Variants in PRUNE2 observed in about 807,000 individuals in gnomAD.
PRUNE2 encodes the protein prune homolog 2 with BCH domain.
PRUNE2 carries 164 observed loss-of-function variants against 252.0 expected under a neutral mutation model. The ratio of observed to expected loss-of-function variants is 0.65; its 90% confidence interval spans 0.57 to 0.74. The LOEUF is 0.74. PRUNE2 is among the 30% of genes least tolerant of loss of function. PRUNE2 has a pLI of 0.00. For missense variants in PRUNE2, 3,495 were observed against 3,711.0 expected (o/e 0.94, Z 1.51); for synonymous variants, 1,292 against 1,350.2 (o/e 0.96, Z 0.94).
intron 6 of PRUNE2, chr9:76,784,322 G>A (rs2131278882): frequency 6.6e-6 from 1 of 152,268 alleles, no homozygotes; most frequent in Non-Finnish European, 1.5e-5. Flanking sequence ...ACCAATGAGA[G>A]GAAAACAGAC....
chr9:76,710,863 G>A lies in PRUNE2; in HGVS notation c.1411C>T (p.Pro471Ser), dbSNP rs778635456. 1 of 1,544,682 alleles carries A rather than the reference G, an allele frequency of 6.5e-7. No homozygotes were observed. Among genetic ancestry groups the A allele is most frequent in the South Asian group, 1.3e-5 (1 of 77,948 alleles). ...TCCGCCACCGCCCCTTCAGGGATGG[G>A]GCTGTAGGAGTCAAGCCCTGGGAGA... Reference protein sequence around the residue: ...TLLPGLDSYSPIPEGAVAEEH... With the variant: ...TLLPGLDSYSSIPEGAVAEEH... The change falls in exon 8 of 19, where the codon CCC becomes TCC. Residue 471 changes from proline (P) to serine (S), a missense_variant. Coordinates refer to ENST00000376718, the MANE Select transcript of PRUNE2 (RefSeq NM_015225.3).
chr9:76,800,215 G>A (rs1195328164), intron 6 of PRUNE2, among the ~76,000 whole-genome samples: 2 of 146,842 alleles, frequency 1.4e-5, no homozygotes, highest in African/African-American at 5.0e-5. Flanking sequence ...CCCACCCCGC[G>A]ACAGGCCCCC....
chr9:76,806,586 C>A (rs376927620), intron 6 of PRUNE2, among the ~76,000 whole-genome samples: 7 of 150,436 alleles, frequency 4.7e-5, no homozygotes, highest in African/African-American at 1.7e-4. Flanking sequence ...CTGCTCACTG[C>A]AAGCTCCGCC....
chr9:76,774,983 G>C (rs2053580909), intron 6 of PRUNE2, among the ~76,000 whole-genome samples: 1 of 152,078 alleles, frequency 6.6e-6, no homozygotes, highest in Non-Finnish European at 1.5e-5. Context: ...TGAGTTATGA[G>C]AAACAAAAAT....
chr9:76,645,643 TA>T (rs1021700156), intron 11 of PRUNE2, among the ~76,000 whole-genome samples: 120 of 145,670 alleles, frequency 8.2e-4, no homozygotes, highest in Admixed American at 1.0e-3. Context: ...CTTGTGCATT[TA>T]AAAAAAAAAA....
chr9:76,904,517 T>C (rs1481326929), intron 1 of PRUNE2, among the ~76,000 whole-genome samples: 1 of 152,258 alleles, frequency 6.6e-6, no homozygotes, highest in African/African-American at 2.4e-5. Context: ...TTGCCAAAAT[T>C]GTCTTTCATT....
At chr9:76,652,448 C>G in intron 11 of PRUNE2, 35 bp downstream of exon 11, 1 of 1,413,396 alleles carries the variant, frequency 7.1e-7, no homozygotes, top group South Asian at 1.2e-5. Flanking sequence ...ACTTATTTAG[C>G]ATTTAACTTT....
chr9:76,735,201 C>T (rs1211260740), intron 6 of PRUNE2, among the ~76,000 whole-genome samples: 1 of 152,102 alleles, frequency 6.6e-6, no homozygotes, highest in African/African-American at 2.4e-5. Context: ...TTGTTGTTTT[C>T]CTTAAGCAAA....
intron 6 of PRUNE2, among the ~76,000 whole-genome samples, chr9:76,761,832 A>C (rs2051760577): frequency 6.6e-6 from 1 of 152,344 alleles, no homozygotes. Flanking sequence ...GTAGATTTTG[A>C]GATAGATTAT....
chr9:76,707,748 A>G lies in PRUNE2; in HGVS notation c.4526T>C (p.Ile1509Thr), dbSNP rs768327673. The G allele has an allele frequency of 6.2e-6, 10 of 1,613,676 alleles. No homozygotes were observed. Among genetic ancestry groups the G allele is most frequent in the African/African-American group, 2.7e-5 (2 of 74,920 alleles). The stretch of plus-strand genomic sequence containing the variant: ...CCCCTTAACGTCAAGATTTTTGGTT[A>G]TCTCAGAACATGTGCTGCTGACATG... ...DVHVSSTCSE[I>T]TKNLDVKGSE... Residue 1509 changes from isoleucine (I) to threonine (T), a missense_variant, in exon 8 of 19, where the codon ATA becomes ACA. Coordinates refer to ENST00000376718, the MANE Select transcript of PRUNE2 (RefSeq NM_015225.3).
chr9:76,702,010 G>GTA, intron 9 of PRUNE2, among the ~76,000 whole-genome samples: 1 of 151,770 alleles, frequency 6.6e-6, no homozygotes, highest in South Asian at 2.1e-4. Context: ...GGTATGTGAT[G>GTA]TGTATAGTCC....
chr9:76,837,632 A>G (rs2059102278), intron 4 of PRUNE2, among the ~76,000 whole-genome samples: 1 of 151,774 alleles, frequency 6.6e-6, no homozygotes, highest in Non-Finnish European at 1.5e-5. Flanking sequence ...GATACAAAAA[A>G]AAATTTAGAC....
chr9:76,852,681 A>G (rs1451690306), intron 2 of PRUNE2, among the ~76,000 whole-genome samples: 1 of 152,246 alleles, frequency 6.6e-6, no homozygotes, highest in Non-Finnish European at 1.5e-5. Context: ...GCAGAGAAAT[A>G]TAACCAAATT....
chr9:76,633,536 C>T lies in PRUNE2; in HGVS notation c.9050+2935G>A, dbSNP rs180843485. 2.7e-3 allele frequency among the ~76,000 whole-genome samples: 387 copies of T among 141,132 alleles called. 2 individuals carry two copies. The highest frequency in any genetic ancestry group is 9.6e-3 in the African/African-American group (363 of 37,656). 92.6% of individuals were successfully genotyped at this position (141,132 alleles called of 152,430 possible). On this transcript the variant is annotated intron_variant, in intron 15 of 18. Coordinates refer to ENST00000376718, the MANE Select transcript of PRUNE2 (RefSeq NM_015225.3). ...GGCAGAGGTTGCAGTGAGCCGAGAT[C>T]GCACCACAGCACTCCAGCCTGGGGC...
intron 4 of PRUNE2, among the ~76,000 whole-genome samples, chr9:76,830,658 A>C (rs2058616755): frequency 6.6e-6 from 1 of 151,502 alleles, no homozygotes; most frequent in African/African-American, 2.4e-5. Context: ...TCTCAAAAAC[A>C]AAAAAAGAAA....
At chr9:76,836,945 T>A (rs1315700200) in intron 4 of PRUNE2, among the ~76,000 whole-genome samples, 1 of 152,220 alleles carries the variant, frequency 6.6e-6, no homozygotes, top group Admixed American at 6.5e-5. Context: ...AATAATCAAG[T>A]TCTACCTCAA....
intron 6 of PRUNE2, among the ~76,000 whole-genome samples, chr9:76,776,342 T>C (rs1253433692): frequency 3.3e-5 from 5 of 151,678 alleles, no homozygotes; most frequent in Admixed American, 2.0e-4. Flanking sequence ...TCTGTGTCCA[T>C]GTGTACACAC....
chr9:76,829,423 G>A (rs900760198), intron 4 of PRUNE2, among the ~76,000 whole-genome samples: 2 of 152,310 alleles, frequency 1.3e-5, no homozygotes, highest in South Asian at 4.1e-4. Flanking sequence ...TTTGAAACAG[G>A]ACCCCTAGAG....
At chr9:76,769,518 C>CCG in intron 6 of PRUNE2, among the ~76,000 whole-genome samples, 1 of 152,230 alleles carries the variant, frequency 6.6e-6, no homozygotes, top group Admixed American at 6.5e-5. Flanking sequence ...CTCCGCCCCC[C>CCG]GGGTTCAAGT....
Sources: gnomAD v4.1 joint callset for allele counts (sites outside exome capture counted in the v4.1 genomes callset) on GRCh38, gnomAD v4.1.1 for gene constraint, MANE v1.5 for transcripts, NCBI Gene and HGNC (gene_info 2026-07-23, HGNC 2026-07-21) for gene names.